The following DLGAP2 variants were observed in gnomAD, a reference collection of about 807,000 sequenced individuals.
DLGAP2 encodes the protein disks large-associated protein 2.
In DLGAP2, 26 loss-of-function variants were observed where a neutral mutation model predicts 100.3. That is an observed-to-expected ratio of 0.26 (90% CI 0.19 to 0.36). The LOEUF (loss-of-function observed/expected upper bound fraction) is 0.36. Among genes scored for constraint, DLGAP2 ranks in the 10% least tolerant of loss-of-function variants. The pLI is 1.00. For missense variants in DLGAP2, 1,858 were observed against 1,453.2 expected, an observed-to-expected ratio of 1.28 and a Z score of -4.53; for synonymous variants, 886 against 630.1, an observed-to-expected ratio of 1.41 and a Z score of -6.08.
intron 2 of DLGAP2, among the ~76,000 whole-genome samples, chr8:1,072,831 G>A (rs1307980002): frequency 6.6e-6 from 1 of 152,210 alleles, no homozygotes; most frequent in East Asian, 1.9e-4. Context: ...GCCGTTGTGG[G>A]GCTCCACTGC....
chr8:876,175 A>C (rs1027294110), intron 1 of DLGAP2, among the ~76,000 whole-genome samples: 3 of 152,216 alleles, frequency 2.0e-5, no homozygotes, highest in African/African-American at 7.2e-5. Flanking sequence ...AGGAGGACAG[A>C]AAATATGTTA....
At chr8:928,965 ACC>A (rs773950396) in intron 2 of DLGAP2, among the ~76,000 whole-genome samples, 4 of 118,858 alleles carry the variant, frequency 3.4e-5, no homozygotes, top group South Asian at 3.0e-4. Flanking sequence ...AAAGATGAAG[ACC>A]CCCCCCGCCA....
intron 2 of DLGAP2, among the ~76,000 whole-genome samples, chr8:1,107,956 A>C (rs935835408): frequency 1.3e-5 from 2 of 152,222 alleles, no homozygotes; most frequent in Non-Finnish European, 2.9e-5. Flanking sequence ...TTGTGGACTC[A>C]GCTTTCCTTC....
At chr8:1,077,656 A>G (rs1409893070) in intron 2 of DLGAP2, among the ~76,000 whole-genome samples, 1 of 152,212 alleles carries the variant, frequency 6.6e-6, no homozygotes, top group African/African-American at 2.4e-5. Flanking sequence ...ATCTGCCAAA[A>G]TAACATCTCT....
intron 8 of DLGAP2, among the ~76,000 whole-genome samples, chr8:1,644,575 G>C (rs1563277224): frequency 6.6e-6 from 1 of 152,236 alleles, no homozygotes; most frequent in Non-Finnish European, 1.5e-5. Context: ...ATCAGCGTCT[G>C]CACGAAGCAC....
chr8:1,187,773 C>A (rs1797542734), intron 2 of DLGAP2, among the ~76,000 whole-genome samples: 1 of 140,996 alleles, frequency 7.1e-6, no homozygotes, highest in African/African-American at 3.0e-5. Flanking sequence ...TCTCACACGC[C>A]CGGGACCTCT....
rs184352380 is a variant in DLGAP2 at position 1,498,684 on chromosome 8, T to C, written c.107-2682T>C. ...ATAACTGTAATGAAATCGGCATTTA[T>C]AACAATCTACTTTAATAAAACGTAT... On this transcript the variant is annotated intron_variant, in intron 3 of 14. Coordinates refer to ENST00000637795, the MANE Select transcript of DLGAP2 (RefSeq NM_001346810.2). Among the ~76,000 whole-genome samples, 6 of 152,338 alleles carry C rather than the reference T, an allele frequency of 3.9e-5. No homozygotes were observed. In the East Asian group the frequency reaches 1.2e-3, roughly 29 times the overall value.
intron 2 of DLGAP2, among the ~76,000 whole-genome samples, chr8:987,477 C>G (rs1332611453): frequency 6.6e-6 from 1 of 152,178 alleles, no homozygotes; most frequent in Non-Finnish European, 1.5e-5. Flanking sequence ...GAGGAAGAGA[C>G]AGGCCCAGCA....
intron 1 of DLGAP2, among the ~76,000 whole-genome samples, chr8:795,742 T>A (rs1270148706): frequency 1.4e-5 from 2 of 139,998 alleles, no homozygotes; most frequent in African/African-American, 5.5e-5. Context: ...AGGCGTCCAG[T>A]GAGAACAGGC....
At chr8:1,567,753 A>G (rs898384800) in intron 6 of DLGAP2, among the ~76,000 whole-genome samples, 7 of 152,270 alleles carry the variant, frequency 4.6e-5, no homozygotes, top group East Asian at 1.9e-4. Context: ...CCATCACCCA[A>G]TGTAGTTGAA....
At chr8:1,670,648 G>C (rs1400782422) in intron 10 of DLGAP2, among the ~76,000 whole-genome samples, 2 of 152,180 alleles carry the variant, frequency 1.3e-5, no homozygotes, top group Non-Finnish European at 2.9e-5. Context: ...GCAAAGACAG[G>C]AATGTAGGTG....
At chr8:1,285,387 C>T (rs1271713532) in intron 3 of DLGAP2, among the ~76,000 whole-genome samples, 1 of 152,176 alleles carries the variant, frequency 6.6e-6, no homozygotes, top group African/African-American at 2.4e-5. Context: ...AAAAAAGACA[C>T]TAACAAATGA....
chr8:1,299,034 A>G (rs147305404), intron 3 of DLGAP2, among the ~76,000 whole-genome samples: 2 of 152,352 alleles, frequency 1.3e-5, no homozygotes, highest in East Asian at 1.9e-4. Flanking sequence ...TGTTACTGCC[A>G]TCCGTCTAGA....
intron 2 of DLGAP2, among the ~76,000 whole-genome samples, chr8:1,089,030 C>T (rs532555218): frequency 3.0e-5 from 4 of 135,574 alleles, no homozygotes; most frequent in South Asian, 5.2e-4. Flanking sequence ...CACCCCTCAT[C>T]CAGCAGGCTA....
chr8:1,635,423 G>C (rs1025408758), intron 8 of DLGAP2, among the ~76,000 whole-genome samples: 2 of 152,114 alleles, frequency 1.3e-5, no homozygotes, highest in African/African-American at 2.4e-5. Flanking sequence ...TCTGACTTTT[G>C]TATTTAAATA....
chr8:1,637,388 G>A (rs924036375), intron 8 of DLGAP2, among the ~76,000 whole-genome samples: 1 of 151,878 alleles, frequency 6.6e-6, no homozygotes, highest in African/African-American at 2.4e-5. Context: ...TGACACAAGG[G>A]CTTTACAAAT....
At chr8:1,196,946 T>A (rs1206751328) in intron 2 of DLGAP2, among the ~76,000 whole-genome samples, 4 of 152,086 alleles carry the variant, frequency 2.6e-5, no homozygotes, top group Non-Finnish European at 4.4e-5. Flanking sequence ...CTATTGTCCA[T>A]CCACAAGCTG....
chr8:1,309,143 G>C (rs1289727846), intron 3 of DLGAP2, among the ~76,000 whole-genome samples: 1 of 151,968 alleles, frequency 6.6e-6, no homozygotes, highest in African/African-American at 2.4e-5. Flanking sequence ...CATTACAAGA[G>C]TCTCCGAAAA....
At chr8:958,266 C>T (rs559464862) in intron 2 of DLGAP2, among the ~76,000 whole-genome samples, 4 of 152,262 alleles carry the variant, frequency 2.6e-5, no homozygotes, top group South Asian at 2.1e-4. Context: ...ACCCCCCCAC[C>T]GCCGCCATGT....
Sources: allele counts gnomAD v4.1 joint callset (sites outside exome capture counted in the v4.1 genomes callset), GRCh38; gene constraint gnomAD v4.1.1; transcripts MANE v1.5; gene names NCBI Gene and HGNC (gene_info 2026-07-23, HGNC 2026-07-21).